The following PTPRT variants were observed in gnomAD, a reference collection of about 807,000 sequenced individuals.
PTPRT encodes receptor-type tyrosine-protein phosphatase T.
PTPRT carries 56 observed loss-of-function variants against 176.8 expected under a neutral mutation model. The observed-to-expected ratio is 0.32, with a 90% CI of 0.26 to 0.40. The LOEUF (loss-of-function observed/expected upper bound fraction) is 0.40, where lower values mean the gene tolerates loss of function less well. PTPRT is among the 10% of genes least tolerant of loss of function. The pLI, the probability that PTPRT is intolerant of heterozygous loss-of-function variation, is 1.00. For synonymous variants in PTPRT, 783 were observed against 739.0 expected, an observed-to-expected ratio of 1.06 and a Z score of -0.96; for missense variants, 1,540 against 1,908.2, an observed-to-expected ratio of 0.81 and a Z score of 3.60.
intron 15 of PTPRT, among the ~76,000 whole-genome samples, chr20:42,213,089 G>GT (rs1455577311): frequency 1.3e-5 from 2 of 152,168 alleles, no homozygotes; most frequent in Non-Finnish European, 2.9e-5. Flanking sequence ...TCCAAGTGTG[G>GT]TTTCCCTGGA....
intron 13 of PTPRT, among the ~76,000 whole-genome samples, chr20:42,275,443 T>C (rs1199370518): frequency 6.6e-6 from 1 of 152,222 alleles, no homozygotes; most frequent in Non-Finnish European, 1.5e-5. Context: ...ATAATTCTTA[T>C]TTCTAGTTGA....
chr20:42,579,215 A>G (rs554799031), intron 7 of PTPRT, among the ~76,000 whole-genome samples: 1 of 151,866 alleles, frequency 6.6e-6, no homozygotes, highest in Non-Finnish European at 1.5e-5. Flanking sequence ...AGCTTCATCC[A>G]TGTCCCTACA....
chr20:42,192,307 C>A (rs1195440872), intron 16 of PTPRT, among the ~76,000 whole-genome samples: 2 of 152,138 alleles, frequency 1.3e-5, no homozygotes, highest in Non-Finnish European at 2.9e-5. Flanking sequence ...TACCACCACC[C>A]CAGCCAGCCT....
At chr20:42,362,410 G>GA (rs36102289) in intron 9 of PTPRT, among the ~76,000 whole-genome samples, 19,046 of 147,686 alleles carry the variant, frequency 0.13, 1,280 homozygotes, top group African/African-American at 0.18. Context: ...ACATCAGAAA[G>GA]AAAAAAAAAA....
chr20:42,585,475 C>G (rs1053636556), intron 7 of PTPRT, among the ~76,000 whole-genome samples: 2 of 152,100 alleles, frequency 1.3e-5, no homozygotes, highest in African/African-American at 2.4e-5. Flanking sequence ...GAAATTCTAG[C>G]ATTTTATGTA....
In PTPRT at chr20:42,077,992, C is replaced by G. The variant is rs921078496; in HGVS notation, c.*2887G>C. ...TCCACCCTCATCCTGTCTGGATGTA[C>G]CAAGATCTAAGAAAATAGCATACAG... On this transcript the variant is annotated 3_prime_UTR_variant, in exon 31 of 31. Transcript: ENST00000373187. 1 of 192,294 alleles carries G rather than the reference C, an allele frequency of 5.2e-6. No individual in the cohort carries two copies. The highest frequency in any genetic ancestry group is 1.9e-4 in the South Asian group (1 of 5,176). The allele number at this position is 192,294 out of a possible 1,614,324, so 11.9% of individuals were successfully genotyped here. A position where few individuals can be genotyped will look rare whatever the true frequency, so the allele number is the denominator to read the frequency against.
chr20:42,195,992 ATGTTATCCTT>A (rs1237807831), intron 16 of PTPRT, among the ~76,000 whole-genome samples: 1 of 152,174 alleles, frequency 6.6e-6, no homozygotes, highest in African/African-American at 2.4e-5. Context: ...AACAGTGACA[ATGTTATCCTT>A]TGAAACATAA....
intron 7 of PTPRT, among the ~76,000 whole-genome samples, chr20:42,657,802 C>A (rs1211782797): frequency 2.6e-5 from 4 of 152,122 alleles, no homozygotes. Flanking sequence ...TTTGCATATT[C>A]CTGAAGTATA....
rs962314910 is a variant in PTPRT, at chr20:42,221,232, G to C, written c.2342+14997C>G. ...TTGGCCAGGGTGGTCTTGAACTCCT[G>C]ACTTCAGGTGATCCATCCGCCTTGG... On this transcript the variant is annotated intron_variant, in intron 15 of 30. Transcript: ENST00000373187. Among the ~76,000 whole-genome samples the C allele has an allele frequency of 2.4e-4, 37 of 152,282 alleles. 1 individual carries two copies. The highest frequency in any genetic ancestry group is 8.4e-4 in the African/African-American group (35 of 41,560).
intron 15 of PTPRT, among the ~76,000 whole-genome samples, chr20:42,203,668 A>G (rs1236920760): frequency 6.6e-6 from 1 of 152,354 alleles, no homozygotes; most frequent in East Asian, 1.9e-4. Flanking sequence ...TCTCTGCTAA[A>G]TACTAGAAGA....
the PTPRT span, among the ~76,000 whole-genome samples, chr20:42,043,214 G>A: frequency 6.6e-6 from 1 of 152,234 alleles, no homozygotes; most frequent in Non-Finnish European, 1.5e-5. Context: ...TGTGGAGGTA[G>A]GGGTGAAGAA....
chr20:42,867,417 T>TA (rs1491544522), intron 2 of PTPRT, among the ~76,000 whole-genome samples: 2 of 128,564 alleles, frequency 1.6e-5, no homozygotes, highest in African/African-American at 3.1e-5. Flanking sequence ...TTTTTTTTTT[T>TA]ACTCACTTAG....
chr20:42,493,070 T>C (rs1367802247), intron 7 of PTPRT, among the ~76,000 whole-genome samples: 4 of 152,194 alleles, frequency 2.6e-5, no homozygotes, highest in Non-Finnish European at 5.9e-5. Flanking sequence ...ACAACCATAA[T>C]TTGCAAATAC....
rs1439461636 is a variant in PTPRT, at chr20:43,135,067, T to G, written c.88+54579A>C. ...GGAGGGAGTGCAAAACTGCCCCCAG[T>G]TGAGAACCACTGAGTTAGGTATATC... is the stretch of plus-strand genomic sequence containing the variant. On this transcript the variant is annotated intron_variant, in intron 1 of 30. Transcript: ENST00000373187. Among the ~76,000 whole-genome samples, 6 of 152,284 alleles carry G rather than the reference T, an allele frequency of 3.9e-5. No homozygotes were observed. The East Asian group carries it at 1.2e-3, about 29-fold the overall frequency.
At chr20:42,129,771 ATCT>A (rs1228625087) in intron 18 of PTPRT, among the ~76,000 whole-genome samples, 1 of 152,216 alleles carries the variant, frequency 6.6e-6, no homozygotes, top group Non-Finnish European at 1.5e-5. Context: ...AGATCAGCTT[ATCT>A]TCTTAGAATT....
At chr20:42,791,591 G>T in intron 2 of PTPRT, 125 bp from the exon 3 acceptor site, 1 of 1,082,290 alleles carries the variant, frequency 9.2e-7, no homozygotes, top group Non-Finnish European at 1.3e-6. Flanking sequence ...CACTCTAGAA[G>T]GGTCTGGGTG....
At chr20:42,943,009 G>A (rs138664214) in intron 1 of PTPRT, among the ~76,000 whole-genome samples, 4 of 152,292 alleles carry the variant, frequency 2.6e-5, no homozygotes, top group African/African-American at 9.6e-5. Flanking sequence ...CTTCCACTTT[G>A]CATGAGAAGG....
chr20:43,087,536 G>T (rs1415480493), intron 1 of PTPRT, among the ~76,000 whole-genome samples: 2 of 151,800 alleles, frequency 1.3e-5, no homozygotes, highest in East Asian at 3.9e-4. Context: ...GCTAATGTTT[G>T]CATTTTTAGA....
chr20:42,568,549 C>T (rs2073088431), intron 7 of PTPRT, among the ~76,000 whole-genome samples: 1 of 152,160 alleles, frequency 6.6e-6, no homozygotes. Flanking sequence ...TAAGAACTGT[C>T]ATAAAAATAA....
Sources: gnomAD v4.1 joint callset for allele counts (sites outside exome capture counted in the v4.1 genomes callset) on GRCh38, gnomAD v4.1.1 for gene constraint, MANE v1.5 for transcripts, NCBI Gene and HGNC (gene_info 2026-07-23, HGNC 2026-07-21) for gene names.